Variants in KMT5A observed in about 807,000 individuals in gnomAD.
KMT5A encodes N-lysine methyltransferase KMT5A.
KMT5A carries 6 observed loss-of-function variants against 40.6 expected under a neutral mutation model. The observed-to-expected ratio is 0.15, with a 90% CI of 0.08 to 0.29. The LOEUF (loss-of-function observed/expected upper bound fraction) is 0.29, where lower values mean the gene tolerates loss of function less well. Among genes scored for constraint, KMT5A ranks in the 10% least tolerant of loss-of-function variants. The probability of loss-of-function intolerance (pLI) is 1.00; values close to 1 mark genes in which losing one functional copy is unlikely to be tolerated. For synonymous variants in KMT5A, 153 were observed against 178.8 expected, an observed-to-expected ratio of 0.86 and a Z score of 1.15; for missense variants, 308 against 459.1, an observed-to-expected ratio of 0.67 and a Z score of 3.01.
At chr12:123,403,493 A>T in intron 5 of KMT5A, 80 bp from the exon 6 acceptor site, 2 of 1,522,652 alleles carry the variant, frequency 1.3e-6, no homozygotes, top group East Asian at 2.3e-5. Flanking sequence ...GGCCTGGGCA[A>T]TCAGGGCTCA....
rs16917496 is a variant in KMT5A, at chr12:123,409,283, C to G, written c.*1580C>G. The G allele has an allele frequency of 6.6e-6, 1 of 152,444 alleles. No individual in the cohort carries two copies. Among genetic ancestry groups the G allele is most frequent in the Admixed American group, 6.6e-5 (1 of 15,260 alleles). The allele number at this position is 152,444 out of a possible 1,614,324, so 9.4% of individuals were successfully genotyped here. A position where few individuals can be genotyped will look rare whatever the true frequency, so the allele number is the denominator to read the frequency against. On this transcript the variant is annotated 3_prime_UTR_variant, in exon 8 of 8. Coordinates refer to ENST00000402868, the MANE Select transcript of KMT5A (RefSeq NM_020382.7). ...TTTGTGGTTTAGCTTTGTATTTAAACAAGGAAATAAACTTGAAAATTATTT... is the reference window on the plus strand; with the variant it reads ...TTTGTGGTTTAGCTTTGTATTTAAAGAAGGAAATAAACTTGAAAATTATTT...
At chr12:123,387,446 ACTT>A (rs1013897123) in intron 1 of KMT5A, among the ~76,000 whole-genome samples, 1 of 152,210 alleles carries the variant, frequency 6.6e-6, no homozygotes, top group African/African-American at 2.4e-5. Context: ...AAGCTGCAAA[ACTT>A]CTCTGCCTTG....
At chr12:123,405,589 G>C (rs1878490124) in intron 7 of KMT5A, among the ~76,000 whole-genome samples, 2 of 128,960 alleles carry the variant, frequency 1.6e-5, no homozygotes, top group African/African-American at 6.2e-5. Flanking sequence ...GCACAATCTT[G>C]GCTCACTGCA....
intron 1 of KMT5A, among the ~76,000 whole-genome samples, chr12:123,386,681 TATAATCATGCAAATATTTACAACCCCA>T (rs1306355710): frequency 6.6e-6 from 1 of 152,150 alleles, no homozygotes; most frequent in Non-Finnish European, 1.5e-5. Flanking sequence ...TTTGAAGTTT[TATAATCATGCAAATATTTACAACCCCA>T]ATATATTAGT....
At chr12:123,389,271 C>G (rs957168329) in intron 1 of KMT5A, 162 bp from the exon 2 acceptor site, 1 of 242,288 alleles carries the variant, frequency 4.1e-6, no homozygotes, top group Non-Finnish European at 6.3e-6. Flanking sequence ...CGGGCTCCGG[C>G]CCGGCCCTCC....
chr12:123,392,229 G>C (rs909417357), intron 3 of KMT5A, among the ~76,000 whole-genome samples: 3 of 152,184 alleles, frequency 2.0e-5, no homozygotes, highest in African/African-American at 7.2e-5. Flanking sequence ...TTGGGGAGAG[G>C]CGCTGTCTAT....
intron 1 of KMT5A, among the ~76,000 whole-genome samples, chr12:123,386,967 C>T (rs1483686716): frequency 6.6e-6 from 1 of 152,080 alleles, no homozygotes; most frequent in African/African-American, 2.4e-5. Flanking sequence ...AGTGACTCTC[C>T]TGCCTCAGCC....
chr12:123,402,004 G>A (rs1878218526), intron 5 of KMT5A, among the ~76,000 whole-genome samples: 2 of 152,116 alleles, frequency 1.3e-5, no homozygotes, highest in Non-Finnish European at 2.9e-5. Flanking sequence ...TCCTTCCTCA[G>A]CCTCTAGAGT....
At chr12:123,402,240 G>A (rs1878235022) in intron 5 of KMT5A, among the ~76,000 whole-genome samples, 1 of 152,202 alleles carries the variant, frequency 6.6e-6, no homozygotes, top group Admixed American at 6.5e-5. Context: ...TGTTCCCTGG[G>A]GTCAGAGTGA....
chr12:123,395,024 CT>C (rs1375970170), intron 3 of KMT5A, 22 bp from the exon 4 acceptor site: 1 of 1,545,914 alleles, frequency 6.5e-7, no homozygotes, highest in Non-Finnish European at 8.8e-7. Flanking sequence ...ATAAACCCGT[CT>C]TTCCCCCACC....
intron 4 of KMT5A, among the ~76,000 whole-genome samples, chr12:123,396,037 G>T (rs990660069): frequency 5.9e-5 from 9 of 151,876 alleles, no homozygotes; most frequent in Non-Finnish European, 1.2e-4. Context: ...TTAGAGACGG[G>T]GTTTTGCTGT....
At chr12:123,389,381 C>T in intron 1 of KMT5A, 52 bp from the exon 2 acceptor site, 1 of 1,021,180 alleles carries the variant, frequency 9.8e-7, no homozygotes, top group Non-Finnish European at 1.2e-6. Flanking sequence ...CTCCCCGCCC[C>T]GCCGCGCCCT....
chr12:123,405,114 G>C (rs1462953637), intron 7 of KMT5A, 40 bp downstream of exon 7: 2 of 1,548,404 alleles, frequency 1.3e-6, no homozygotes, highest in African/African-American at 2.7e-5. Flanking sequence ...TCTGTCCTCT[G>C]GGCAGTGAGG....
At chr12:123,389,153 C>CA (rs1245340233) in intron 1 of KMT5A, 11 of 7,146 alleles carry the variant, frequency 1.5e-3, no homozygotes, top group Non-Finnish European at 3.3e-3. Flanking sequence ...GGGCGCGGGG[C>CA]GCGCCGCCAT....
chr12:123,406,792 C>T (rs1055776261), intron 7 of KMT5A, among the ~76,000 whole-genome samples: 2 of 151,828 alleles, frequency 1.3e-5, no homozygotes, highest in Middle Eastern at 3.2e-3. Flanking sequence ...TTTGGGTGGC[C>T]GAGGTGGATG....
At chr12:123,401,427 T>C (rs28768122) in intron 5 of KMT5A, among the ~76,000 whole-genome samples, 102,729 of 151,404 alleles carry the variant, frequency 0.68, 35,954 homozygotes, top group Non-Finnish European at 0.76. Context: ...GGATAACAGG[T>C]GTATATCTTT....
intron 2 of KMT5A, among the ~76,000 whole-genome samples, chr12:123,390,312 T>C (rs1393521562): frequency 1.3e-5 from 2 of 152,230 alleles, no homozygotes; most frequent in Admixed American, 6.5e-5. Flanking sequence ...GCTCTTCACA[T>C]GCCCAGGTCC....
chr12:123,395,645 A>C (rs1479324932), intron 4 of KMT5A, among the ~76,000 whole-genome samples: 2 of 150,950 alleles, frequency 1.3e-5, no homozygotes, highest in Non-Finnish European at 2.9e-5. Flanking sequence ...GCTCACTGCA[A>C]ACACCACCTC....
intron 1 of KMT5A, among the ~76,000 whole-genome samples, chr12:123,387,986 A>C (rs1227037558): frequency 6.6e-6 from 1 of 152,194 alleles, no homozygotes; most frequent in Non-Finnish European, 1.5e-5. Flanking sequence ...TCTTGTTTGC[A>C]TCTATGACTT....
Sources: allele counts gnomAD v4.1 joint callset (sites outside exome capture counted in the v4.1 genomes callset), GRCh38; gene constraint gnomAD v4.1.1; transcripts MANE v1.5; gene names NCBI Gene and HGNC (gene_info 2026-07-23, HGNC 2026-07-21).